The following SLC9A9 variants were observed in gnomAD, a reference collection of about 807,000 sequenced individuals.
SLC9A9 encodes the protein sodium/hydrogen exchanger 9.
A neutral mutation model predicts 77.8 loss-of-function variants in SLC9A9; 62 were observed. That is an observed-to-expected ratio of 0.80 (90% CI 0.65 to 0.98). SLC9A9 has a LOEUF of 0.98. Ranked by LOEUF, SLC9A9 falls within the 50% of genes least tolerant of loss-of-function variation. The pLI is 0.00. For missense variants in SLC9A9, 775 were observed against 774.9 expected (o/e 1.00, Z 0.00); for synonymous variants, 320 against 283.5 (o/e 1.13, Z -1.29).
chr3:143,491,497 G>T (rs1396789270), intron 11 of SLC9A9, among the ~76,000 whole-genome samples: 1 of 152,090 alleles, frequency 6.6e-6, no homozygotes, highest in Non-Finnish European at 1.5e-5. Context: ...GATCAGTTTT[G>T]ATTCAAGAGC....
At chr3:143,472,744 C>G (rs1184407820) in intron 11 of SLC9A9, among the ~76,000 whole-genome samples, 1 of 152,246 alleles carries the variant, frequency 6.6e-6, no homozygotes, top group Non-Finnish European at 1.5e-5. Context: ...GATGAATTTT[C>G]TGATTCTTCA....
chr3:143,606,434 CTCTATA>C (rs1272680442), intron 6 of SLC9A9, among the ~76,000 whole-genome samples: 1,256 of 52,886 alleles, frequency 0.024, 8 homozygotes, highest in Admixed American at 0.031. Flanking sequence ...CTCTCTCTCT[CTCTATA>C]TATATATATA....
intron 10 of SLC9A9, among the ~76,000 whole-genome samples, chr3:143,494,127 T>G (rs771595229): frequency 1.3e-5 from 2 of 152,208 alleles, no homozygotes; most frequent in Non-Finnish European, 2.9e-5. Flanking sequence ...TCTTCCCAAG[T>G]GGTACTTTAG....
chr3:143,445,412 G>A (rs951373018), intron 12 of SLC9A9, among the ~76,000 whole-genome samples: 15 of 152,320 alleles, frequency 9.8e-5, no homozygotes, highest in African/African-American at 3.6e-4. Flanking sequence ...CCAATGGAAT[G>A]TGAGTAGACA....
intron 11 of SLC9A9, among the ~76,000 whole-genome samples, chr3:143,472,809 G>T (rs2035400632): frequency 6.6e-6 from 1 of 152,184 alleles, no homozygotes; most frequent in East Asian, 1.9e-4. Flanking sequence ...TTAATGTAAT[G>T]GTTTCAGAAT....
At chr3:143,285,068 ACT>A (rs1938345215) in intron 14 of SLC9A9, among the ~76,000 whole-genome samples, 1 of 152,024 alleles carries the variant, frequency 6.6e-6, no homozygotes. Context: ...AGTCTATTCA[ACT>A]CTCTGATGTT....
rs948237544 is a variant in SLC9A9 at position 143,477,360 on chromosome 3, G to A, written c.1316-10170C>T. Among the ~76,000 whole-genome samples the A allele has an allele frequency of 6.2e-3, 108 of 17,346 alleles. 2 individuals carry two copies. In the East Asian group the frequency reaches 0.15, roughly 24 times the overall value. 11.4% of individuals were successfully genotyped at this position (17,346 alleles called of 152,430 possible). A position where few individuals can be genotyped will look rare whatever the true frequency, so the allele number is the denominator to read the frequency against. Reference sequence around the variant, plus strand: ...TTTTTTTTTTTTTCCCCCTCCCCCCGCCGCCCCCTCCCGCCACCCAGATTT... The same window carrying A: ...TTTTTTTTTTTTTCCCCCTCCCCCCACCGCCCCCTCCCGCCACCCAGATTT... On this transcript the variant is annotated intron_variant, in intron 11 of 15. Transcript: ENST00000316549.
chr3:143,726,243 T>C (rs371118228), intron 4 of SLC9A9, among the ~76,000 whole-genome samples: 33 of 27,076 alleles, frequency 1.2e-3, no homozygotes, highest in African/African-American at 4.8e-3. Context: ...AAGTTGGAAA[T>C]AAAAAAAGAA....
chr3:143,314,671 C>T (rs187403927), intron 14 of SLC9A9, among the ~76,000 whole-genome samples: 4 of 152,224 alleles, frequency 2.6e-5, no homozygotes, highest in African/African-American at 9.6e-5. Context: ...CACTGGCCAG[C>T]CCTCTTCGAG....
intron 9 of SLC9A9, among the ~76,000 whole-genome samples, chr3:143,545,979 T>A: frequency 6.6e-6 from 1 of 152,340 alleles, no homozygotes; most frequent in Non-Finnish European, 1.5e-5. Flanking sequence ...TAGAGCATGA[T>A]CCTTAAAACC....
At chr3:143,412,585 A>G (rs549242965) in intron 12 of SLC9A9, among the ~76,000 whole-genome samples, 1 of 152,278 alleles carries the variant, frequency 6.6e-6, no homozygotes, top group Admixed American at 6.5e-5. Flanking sequence ...CCACATCTGG[A>G]AGTCCCATCA....
At chr3:143,580,367 C>T (rs540603064) in intron 6 of SLC9A9, among the ~76,000 whole-genome samples, 1 of 152,302 alleles carries the variant, frequency 6.6e-6, no homozygotes, top group South Asian at 2.1e-4. Flanking sequence ...GTGGTTGCCA[C>T]TAGTAGATCT....
intron 8 of SLC9A9, among the ~76,000 whole-genome samples, chr3:143,564,155 C>A (rs940560365): frequency 6.6e-6 from 1 of 152,180 alleles, no homozygotes; most frequent in Non-Finnish European, 1.5e-5. Flanking sequence ...TTATTCCTGG[C>A]AGGGTCCGTT....
intron 14 of SLC9A9, among the ~76,000 whole-genome samples, chr3:143,336,922 A>C (rs1174183916): frequency 6.6e-6 from 1 of 152,180 alleles, no homozygotes; most frequent in Non-Finnish European, 1.5e-5. Flanking sequence ...AATTTTTTAA[A>C]ATACAGAAAA....
At chr3:143,751,648 A>C (rs1219513044) in intron 4 of SLC9A9, among the ~76,000 whole-genome samples, 4 of 152,142 alleles carry the variant, frequency 2.6e-5, no homozygotes, top group Admixed American at 6.5e-5. Flanking sequence ...GTCTGATCCC[A>C]AAAGCACTCC....
At chr3:143,814,130 A>T (rs1318329815) in intron 2 of SLC9A9, among the ~76,000 whole-genome samples, 1 of 152,192 alleles carries the variant, frequency 6.6e-6, no homozygotes, top group Non-Finnish European at 1.5e-5. Flanking sequence ...TAAGGAACCT[A>T]TGTTTCTGCA....
At chr3:143,802,644 T>C (rs909769875) in intron 2 of SLC9A9, among the ~76,000 whole-genome samples, 1 of 152,144 alleles carries the variant, frequency 6.6e-6, no homozygotes, top group Admixed American at 6.5e-5. Context: ...CTTTACTAGT[T>C]AAATTACCCA....
chr3:143,723,252 G>T (rs1201221844), intron 4 of SLC9A9, among the ~76,000 whole-genome samples: 1 of 146,284 alleles, frequency 6.8e-6, no homozygotes, highest in African/African-American at 2.5e-5. Context: ...CCAATAAGCA[G>T]AAAAAAAAAA....
chr3:143,466,298 T>C (rs2035278934), intron 12 of SLC9A9, among the ~76,000 whole-genome samples: 1 of 152,260 alleles, frequency 6.6e-6, no homozygotes, highest in Non-Finnish European at 1.5e-5. Flanking sequence ...AGCACTGTTA[T>C]TACCTTCTGG....
Sources: allele counts gnomAD v4.1 joint callset (sites outside exome capture counted in the v4.1 genomes callset), GRCh38; gene constraint gnomAD v4.1.1; transcripts MANE v1.5; gene names NCBI Gene and HGNC (gene_info 2026-07-23, HGNC 2026-07-21).